GRID2: variants seen among roughly 807,000 people sequenced by gnomAD.
GRID2 encodes glutamate receptor ionotropic, delta-2.
In GRID2, 33 loss-of-function variants were observed where a neutral mutation model predicts 114.8. The observed-to-expected ratio is 0.29, with a 90% CI of 0.22 to 0.38. GRID2 has a LOEUF of 0.38. GRID2 is among the 10% of genes least tolerant of loss of function. The pLI is 1.00. For missense variants in GRID2, 1,184 were observed against 1,257.7 expected (o/e 0.94, Z 0.89); for synonymous variants, 505 against 449.9 (o/e 1.12, Z -1.55).
chr4:92,965,723 T>C (rs1753115388), intron 2 of GRID2, among the ~76,000 whole-genome samples: 1 of 151,834 alleles, frequency 6.6e-6, no homozygotes, highest in African/African-American at 2.4e-5. Context: ...AGTCCAAATA[T>C]AGTATTTTCA....
rs1737899486 is a variant in GRID2 at position 92,759,759 on chromosome 4, A to G, written c.244+169473A>G. Among the ~76,000 whole-genome samples the G allele has an allele frequency of 2.0e-5, 3 of 150,164 alleles. 1 individual carries two copies. Among genetic ancestry groups the G allele is most frequent in the South Asian group, 4.2e-4 (2 of 4,746 alleles). ...GCTCGGATTACAGACATGCGCCACC[A>G]TGCCGGGCTTTTTTTTCTTCTTCTT... On this transcript the variant is annotated intron_variant, in intron 2 of 15. Coordinates refer to ENST00000282020, the MANE Select transcript of GRID2 (RefSeq NM_001510.4).
intron 8 of GRID2, among the ~76,000 whole-genome samples, chr4:93,369,676 A>G (rs575510714): frequency 6.6e-6 from 1 of 152,146 alleles, no homozygotes; most frequent in South Asian, 2.1e-4. Flanking sequence ...TTTTGTAGAG[A>G]CAGGGTCTCT....
At chr4:93,185,581 ATAT>A (rs1740323657) in intron 4 of GRID2, among the ~76,000 whole-genome samples, 1 of 152,182 alleles carries the variant, frequency 6.6e-6, no homozygotes, top group African/African-American at 2.4e-5. Context: ...ATATCTCTTT[ATAT>A]ATCTCTTAAA....
At chr4:93,697,946 CCTTT>C (rs1227636868) in intron 14 of GRID2, among the ~76,000 whole-genome samples, 1 of 145,634 alleles carries the variant, frequency 6.9e-6, no homozygotes, top group Admixed American at 7.0e-5. Context: ...AATTTTAACA[CCTTT>C]CTTCTATTTT....
chr4:92,328,338 C>A (rs1427711294), intron 1 of GRID2, among the ~76,000 whole-genome samples: 2 of 151,914 alleles, frequency 1.3e-5, no homozygotes, highest in Non-Finnish European at 2.9e-5. Flanking sequence ...ACTAAAGATA[C>A]CAGAGATTTA....
intron 14 of GRID2, among the ~76,000 whole-genome samples, chr4:93,767,899 A>G (rs1426533804): frequency 3.3e-5 from 5 of 152,088 alleles, no homozygotes; most frequent in Non-Finnish European, 5.9e-5. Flanking sequence ...TTAAACTAAA[A>G]CCTGTTTGAT....
chr4:93,559,019 T>G (rs1444333386), intron 13 of GRID2, among the ~76,000 whole-genome samples: 1 of 152,082 alleles, frequency 6.6e-6, no homozygotes, highest in Non-Finnish European at 1.5e-5. Context: ...GAAAAGGCCT[T>G]TGACAAAATT....
chr4:92,703,838 C>A (rs931060935), intron 2 of GRID2, among the ~76,000 whole-genome samples: 1 of 151,972 alleles, frequency 6.6e-6, no homozygotes, highest in Non-Finnish European at 1.5e-5. Context: ...GGGCTTCTAG[C>A]ACTTTTACTT....
At chr4:92,474,876 T>A (rs1427757500) in intron 1 of GRID2, among the ~76,000 whole-genome samples, 1 of 149,038 alleles carries the variant, frequency 6.7e-6, no homozygotes, top group Non-Finnish European at 1.5e-5. Flanking sequence ...GTATTTTGGA[T>A]ATTAACCTCT....
intron 1 of GRID2, among the ~76,000 whole-genome samples, chr4:92,503,320 GT>G (rs1443481643): frequency 6.6e-6 from 1 of 151,892 alleles, no homozygotes; most frequent in East Asian, 1.9e-4. Context: ...TGTAAAATTA[GT>G]TTACTAAGCT....
chr4:93,701,008 T>C (rs1281464957), intron 14 of GRID2, among the ~76,000 whole-genome samples: 1 of 152,124 alleles, frequency 6.6e-6, no homozygotes, highest in Non-Finnish European at 1.5e-5. Context: ...AAATGAACCA[T>C]AGCAAATTCT....
chr4:92,937,878 A>T (rs1360892584), intron 2 of GRID2, among the ~76,000 whole-genome samples: 4 of 146,654 alleles, frequency 2.7e-5, no homozygotes, highest in African/African-American at 9.7e-5. Context: ...TTTCAGTACC[A>T]ATGTTAAAGC....
chr4:93,453,313 GGAAA>G (rs1412712593), intron 10 of GRID2, among the ~76,000 whole-genome samples: 1 of 98,646 alleles, frequency 1.0e-5, no homozygotes, highest in African/African-American at 4.4e-5. Flanking sequence ...CTCAGAGATG[GGAAA>G]GAGAGAGAGA....
intron 13 of GRID2, among the ~76,000 whole-genome samples, chr4:93,615,871 T>C (rs1407622593): frequency 1.3e-5 from 2 of 152,296 alleles, no homozygotes; most frequent in East Asian, 1.9e-4. Context: ...ATGGTTTTTT[T>C]CAAAAATCAT....
chr4:92,464,382 GT>G (rs1450773214), intron 1 of GRID2, among the ~76,000 whole-genome samples: 1 of 151,966 alleles, frequency 6.6e-6, no homozygotes, highest in African/African-American at 2.4e-5. Flanking sequence ...AAGAAATACT[GT>G]TCTCTTTAAT....
intron 14 of GRID2, among the ~76,000 whole-genome samples, chr4:93,680,469 C>T (rs1388474486): frequency 6.6e-6 from 1 of 151,212 alleles, no homozygotes; most frequent in Non-Finnish European, 1.5e-5. Context: ...GGCAGAGACA[C>T]AACCAAAAAA....
chr4:92,854,366 G>T lies in GRID2; in HGVS notation c.245-230629G>T, dbSNP rs17019931. ...TTCTTTTTCCCTTCTCTGAATTCTG[G>T]GCTGAAAAGATCACTCCAGGGGCAG... On this transcript the variant is annotated intron_variant, in intron 2 of 15. Coordinates refer to ENST00000282020, the MANE Select transcript of GRID2 (RefSeq NM_001510.4). Among the ~76,000 whole-genome samples the T allele has an allele frequency of 5.9e-3, 898 of 151,982 alleles. 15 individuals carry two copies. The highest frequency in any genetic ancestry group is 0.021 in the African/African-American group (852 of 41,494).
chr4:93,799,703 T>C (rs1734884802), intron 1 of GRID2, among the ~76,000 whole-genome samples: 1 of 152,206 alleles, frequency 6.6e-6, no homozygotes, highest in Non-Finnish European at 1.5e-5. Context: ...ATGATTTAGC[T>C]AGATGTGATA....
intron 2 of GRID2, among the ~76,000 whole-genome samples, chr4:93,069,283 C>T (rs567289307): frequency 4.0e-5 from 6 of 150,732 alleles, no homozygotes; most frequent in South Asian, 4.2e-4. Context: ...TATATATGTG[C>T]GTGTATGTAT....
Sources: allele counts gnomAD v4.1 joint callset (sites outside exome capture counted in the v4.1 genomes callset), GRCh38; gene constraint gnomAD v4.1.1; transcripts MANE v1.5; gene names NCBI Gene and HGNC (gene_info 2026-07-23, HGNC 2026-07-21).